The following MKLN1 variants were observed in gnomAD, a reference collection of about 807,000 sequenced individuals.
The protein encoded by MKLN1 is muskelin.
Under a neutral mutation model 99.0 loss-of-function variants are expected in MKLN1, and 18 were observed. The observed-to-expected ratio is 0.18, with a 90% CI of 0.13 to 0.27. The LOEUF (loss-of-function observed/expected upper bound fraction) is 0.27, where lower values mean the gene tolerates loss of function less well. Ranked by LOEUF, MKLN1 falls within the 10% of genes least tolerant of loss-of-function variation. The pLI, the probability that MKLN1 is intolerant of heterozygous loss-of-function variation, is 1.00. For missense variants in MKLN1, 621 were observed against 875.9 expected (o/e 0.71, Z 3.67); for synonymous variants, 288 against 293.2 (o/e 0.98, Z 0.18).
chr7:131,116,209 G>T (rs945227093), intron 1 of MKLN1, among the ~76,000 whole-genome samples: 1 of 151,566 alleles, frequency 6.6e-6, no homozygotes, highest in Non-Finnish European at 1.5e-5. Flanking sequence ...ATATTCATTG[G>T]GTGTTTGTAG....
chr7:131,192,078 CATATATATTATATATATAT>C (rs1205230341), intron 2 of MKLN1, among the ~76,000 whole-genome samples: 4,211 of 83,582 alleles, frequency 0.05, 397 homozygotes, highest in Admixed American at 0.069. Context: ...TATATATATA[CATATATATTATATATATAT>C]GTATATATAT....
chr7:131,155,951 C>T (rs1795956954), intron 2 of MKLN1, among the ~76,000 whole-genome samples: 1 of 152,148 alleles, frequency 6.6e-6, no homozygotes. Context: ...TTGATTATGT[C>T]ACTTTTTTGA....
chr7:131,313,765 G>C (rs1798612834), intron 3 of MKLN1, among the ~76,000 whole-genome samples: 1 of 152,224 alleles, frequency 6.6e-6, no homozygotes, highest in African/African-American at 2.4e-5. Flanking sequence ...TTTCCAGTTG[G>C]ATCACTGAGC....
chr7:131,249,095 G>A (rs184730813), intron 3 of MKLN1, among the ~76,000 whole-genome samples: 1 of 152,186 alleles, frequency 6.6e-6, no homozygotes, highest in Admixed American at 6.5e-5. Flanking sequence ...AACATAGCCT[G>A]AGTGAAGTTA....
intron 2 of MKLN1, among the ~76,000 whole-genome samples, chr7:131,143,149 A>T (rs1465478742): frequency 6.6e-6 from 1 of 152,114 alleles, no homozygotes; most frequent in Non-Finnish European, 1.5e-5. Context: ...CCATCCTTTC[A>T]CATTTTCTCC....
At chr7:131,356,870 G>C (rs1003394378) in intron 1 of MKLN1, among the ~76,000 whole-genome samples, 1 of 152,108 alleles carries the variant, frequency 6.6e-6, no homozygotes, top group Admixed American at 6.6e-5. Context: ...AGGAGAATTC[G>C]AATGAGGGGC....
intron 3 of MKLN1, among the ~76,000 whole-genome samples, chr7:131,226,612 T>C (rs562703940): frequency 1.3e-5 from 2 of 152,326 alleles, no homozygotes; most frequent in African/African-American, 4.8e-5. Flanking sequence ...CATTTCACTA[T>C]TGGAGTTTTT....
At chr7:131,444,503 T>G (rs1795937120) in intron 11 of MKLN1, among the ~76,000 whole-genome samples, 1 of 151,950 alleles carries the variant, frequency 6.6e-6, no homozygotes, top group South Asian at 2.1e-4. Context: ...AAGAGAAAAA[T>G]TAAATTGTGA....
chr7:131,295,883 CAAA>C (rs57235729), intron 3 of MKLN1, among the ~76,000 whole-genome samples: 2 of 103,430 alleles, frequency 1.9e-5, no homozygotes, highest in Non-Finnish European at 2.1e-5. Flanking sequence ...ACGTCCTATC[CAAA>C]AAAAAAAAAA....
chr7:131,315,349 G>A (rs1453760495), intron 3 of MKLN1, among the ~76,000 whole-genome samples: 4 of 152,142 alleles, frequency 2.6e-5, no homozygotes, highest in Admixed American at 6.5e-5. Flanking sequence ...AAGGGAAGCC[G>A]TGAGGGACTG....
intron 3 of MKLN1, among the ~76,000 whole-genome samples, chr7:131,305,802 T>C (rs1798455889): frequency 6.6e-6 from 1 of 152,150 alleles, no homozygotes; most frequent in African/African-American, 2.4e-5. Context: ...TAAATATATG[T>C]TGCAAGGAAA....
At chr7:131,276,144 A>G (rs1000186809) in intron 3 of MKLN1, among the ~76,000 whole-genome samples, 2 of 152,244 alleles carry the variant, frequency 1.3e-5, no homozygotes, top group Non-Finnish European at 2.9e-5. Context: ...TCCACAGGGA[A>G]GGAAACCACA....
chr7:131,206,792 G>A (rs1376710787), intron 3 of MKLN1, among the ~76,000 whole-genome samples: 1 of 152,076 alleles, frequency 6.6e-6, no homozygotes, highest in East Asian at 1.9e-4. Flanking sequence ...CTGGCCTCAA[G>A]CAATCTTCCC....
chr7:131,167,523 T>A (rs1448965370), intron 2 of MKLN1, among the ~76,000 whole-genome samples: 2 of 151,748 alleles, frequency 1.3e-5, no homozygotes, highest in Admixed American at 1.3e-4. Context: ...ATATAAAAAA[T>A]TAACCAGGTA....
At chr7:131,449,227 C>T (rs1796107102) in intron 12 of MKLN1, among the ~76,000 whole-genome samples, 2 of 152,050 alleles carry the variant, frequency 1.3e-5, no homozygotes, top group South Asian at 4.2e-4. Flanking sequence ...CTGGGATGTT[C>T]AGAAATAGTG....
intron 1 of MKLN1, among the ~76,000 whole-genome samples, chr7:131,136,371 T>A (rs1305570625): frequency 6.6e-6 from 1 of 152,178 alleles, no homozygotes; most frequent in Non-Finnish European, 1.5e-5. Flanking sequence ...AATGTTATAT[T>A]GAAATAATAA....
intron 2 of MKLN1, among the ~76,000 whole-genome samples, chr7:131,166,307 T>C (rs1796123567): frequency 6.6e-6 from 1 of 152,150 alleles, no homozygotes; most frequent in Admixed American, 6.5e-5. Flanking sequence ...GGAAAGATGC[T>C]GAGTTTGATT....
At chr7:131,391,377 A>G (rs954984676) in intron 4 of MKLN1, among the ~76,000 whole-genome samples, 6 of 152,226 alleles carry the variant, frequency 3.9e-5, no homozygotes, top group South Asian at 2.1e-4. Context: ...TCAGCCTTCA[A>G]TTATTCACAG....
At chr7:131,350,291 G>A (rs1042799526) in intron 1 of MKLN1, among the ~76,000 whole-genome samples, 3 of 151,298 alleles carry the variant, frequency 2.0e-5, no homozygotes, top group Admixed American at 1.3e-4. Context: ...AAACTCCTGG[G>A]CTCAAGCACT....
Sources: gnomAD v4.1 joint callset for allele counts (sites outside exome capture counted in the v4.1 genomes callset) on GRCh38, gnomAD v4.1.1 for gene constraint, MANE v1.5 for transcripts, NCBI Gene and HGNC (gene_info 2026-07-23, HGNC 2026-07-21) for gene names.